BAZ2B: variants seen among roughly 807,000 people sequenced by gnomAD.
The protein encoded by BAZ2B is bromodomain adjacent to zinc finger domain protein 2B.
A neutral mutation model predicts 246.0 loss-of-function variants in BAZ2B; 91 were observed. The observed-to-expected ratio is 0.37, with a 90% CI of 0.31 to 0.44. The LOEUF (loss-of-function observed/expected upper bound fraction) is 0.44, where lower values mean the gene tolerates loss of function less well. Ranked by LOEUF, BAZ2B falls within the 20% of genes least tolerant of loss-of-function variation. BAZ2B has a pLI of 1.00. For synonymous variants in BAZ2B, 855 were observed against 860.0 expected, an observed-to-expected ratio of 0.99 and a Z score of 0.10; for missense variants, 2,332 against 2,533.7, an observed-to-expected ratio of 0.92 and a Z score of 1.71.
At chr2:159,605,173 G>GCATGGGT (rs1337431888) in intron 1 of BAZ2B, among the ~76,000 whole-genome samples, 7 of 152,094 alleles carry the variant, frequency 4.6e-5, no homozygotes, top group South Asian at 2.1e-4. Flanking sequence ...GCCTACGGGT[G>GCATGGGT]CATGCCACCA....
At chr2:159,501,571 T>A (rs567850395) in intron 2 of BAZ2B, among the ~76,000 whole-genome samples, 14 of 152,052 alleles carry the variant, frequency 9.2e-5, no homozygotes, top group Non-Finnish European at 1.5e-4. Flanking sequence ...AAATGACCAT[T>A]ACCATGATTT....
chr2:159,673,215 G>A, the BAZ2B span, among the ~76,000 whole-genome samples: 1 of 151,976 alleles, frequency 6.6e-6, no homozygotes, highest in Non-Finnish European at 1.5e-5. Context: ...TTAAACAGAT[G>A]ATTCAGAAAA....
At chr2:159,362,575 G>GTGT (rs760803442) in intron 27 of BAZ2B, among the ~76,000 whole-genome samples, 13 of 152,168 alleles carry the variant, frequency 8.5e-5, no homozygotes, top group Non-Finnish European at 1.6e-4. Flanking sequence ...AGCACCATGT[G>GTGT]TGTTAGTGGT....
chr2:159,488,138 A>G (rs1019182440), intron 2 of BAZ2B, among the ~76,000 whole-genome samples: 1 of 152,092 alleles, frequency 6.6e-6, no homozygotes, highest in Non-Finnish European at 1.5e-5. Context: ...TAGCAGTGCA[A>G]TCTCGGCTAC....
intron 3 of BAZ2B, chr2:159,462,156 A>C (rs2076486321): frequency 2.9e-6 from 1 of 348,924 alleles, no homozygotes; most frequent in Admixed American, 4.6e-5. Context: ...TAAATGTGGC[A>C]GAATTAAAAA....
At chr2:159,505,704 G>A (rs1005242431) in intron 2 of BAZ2B, among the ~76,000 whole-genome samples, 2 of 152,004 alleles carry the variant, frequency 1.3e-5, no homozygotes, top group Admixed American at 1.3e-4. Context: ...AGATAGCTTG[G>A]ATGAAAAGGT....
At chr2:159,360,932 C>A (rs2059620854) in intron 27 of BAZ2B, among the ~76,000 whole-genome samples, 1 of 152,172 alleles carries the variant, frequency 6.6e-6, no homozygotes, top group South Asian at 2.1e-4. Context: ...CTTCCTTACA[C>A]CTTATACGAA....
intron 31 of BAZ2B, among the ~76,000 whole-genome samples, chr2:159,337,979 T>A (rs1250333580): frequency 1.6e-4 from 25 of 152,314 alleles, no homozygotes; most frequent in Admixed American, 1.4e-3. Flanking sequence ...AAAATAAAAT[T>A]TATAAACTTT....
At chr2:159,452,792 T>C (rs370098331) in intron 4 of BAZ2B, among the ~76,000 whole-genome samples, 11 of 152,288 alleles carry the variant, frequency 7.2e-5, no homozygotes, top group African/African-American at 2.6e-4. Context: ...AACTCTCTAG[T>C]TGTTTTGATC....
At chr2:159,603,843 A>AT (rs1481491826) in intron 1 of BAZ2B, among the ~76,000 whole-genome samples, 1 of 152,136 alleles carries the variant, frequency 6.6e-6, no homozygotes, top group African/African-American at 2.4e-5. Context: ...ATTTCACTCT[A>AT]TGGCCACTCC....
At chr2:159,599,950 A>AAAG (rs1553746061) in intron 1 of BAZ2B, among the ~76,000 whole-genome samples, 1 of 151,464 alleles carries the variant, frequency 6.6e-6, no homozygotes, top group Non-Finnish European at 1.5e-5. Flanking sequence ...AAAAAAAAAA[A>AAAG]AAAGAAAAGA....
chr2:159,669,059 A>G, the BAZ2B span, among the ~76,000 whole-genome samples: 1 of 150,402 alleles, frequency 6.6e-6, no homozygotes, highest in East Asian at 1.9e-4. Flanking sequence ...CTCCGTCTCA[A>G]AAAAAAAAGA....
At chr2:159,697,296 T>G in the BAZ2B span, among the ~76,000 whole-genome samples, 1 of 152,204 alleles carries the variant, frequency 6.6e-6, no homozygotes, top group African/African-American at 2.4e-5. Flanking sequence ...TAATACTGCT[T>G]AAGGATAATA....
intron 31 of BAZ2B, among the ~76,000 whole-genome samples, chr2:159,339,325 G>A (rs1255289236): frequency 6.6e-6 from 1 of 152,118 alleles, no homozygotes; most frequent in East Asian, 1.9e-4. Flanking sequence ...TGTGGCAAGA[G>A]AGAAGTGAAA....
intron 35 of BAZ2B, among the ~76,000 whole-genome samples, 197 bp from the exon 36 acceptor site, chr2:159,325,151 G>GT (rs2063522864): frequency 1.1e-5 from 1 of 88,450 alleles, no homozygotes; most frequent in African/African-American, 4.7e-5. Context: ...ATATATATGA[G>GT]ATAGGGTCTT....
chr2:159,545,086 T>C (rs535957328), intron 2 of BAZ2B, among the ~76,000 whole-genome samples: 2 of 152,358 alleles, frequency 1.3e-5, no homozygotes, highest in African/African-American at 4.8e-5. Context: ...ATGCCAGTTT[T>C]ATTTCCACTG....
At chr2:159,345,511 A>G (rs1044187601) in intron 31 of BAZ2B, among the ~76,000 whole-genome samples, 2 of 152,226 alleles carry the variant, frequency 1.3e-5, no homozygotes, top group Admixed American at 1.3e-4. Flanking sequence ...TTAGCTACTG[A>G]TAACACAGCC....
intron 6 of BAZ2B, chr2:159,444,925 C>T (rs947554073): frequency 3.9e-5 from 6 of 152,184 alleles, no homozygotes; most frequent in African/African-American, 1.4e-4. Flanking sequence ...TTAACTGGGA[C>T]CTCTCACTCA....
chr2:159,455,427 G>A (rs1284086392), intron 3 of BAZ2B, among the ~76,000 whole-genome samples: 1 of 152,010 alleles, frequency 6.6e-6, no homozygotes, highest in Admixed American at 6.6e-5. Flanking sequence ...AGTATGTTTT[G>A]TATCAGGCTA....
Sources: gnomAD v4.1 joint callset for allele counts (sites outside exome capture counted in the v4.1 genomes callset) on GRCh38, gnomAD v4.1.1 for gene constraint, MANE v1.5 for transcripts, NCBI Gene and HGNC (gene_info 2026-07-23, HGNC 2026-07-21) for gene names.